SOX6: variants seen among roughly 807,000 people sequenced by gnomAD.
SOX6 encodes the protein transcription factor SOX-6.
SOX6 carries 11 observed loss-of-function variants against 97.8 expected under a neutral mutation model. That is an observed-to-expected ratio of 0.11 (90% confidence interval 0.07 to 0.19). The LOEUF is 0.19. Among genes scored for constraint, SOX6 ranks in the 10% least tolerant of loss-of-function variants. The pLI is 1.00. For synonymous variants in SOX6, 360 were observed against 371.4 expected (o/e 0.97, Z 0.35); for missense variants, 810 against 1,039.5 (o/e 0.78, Z 3.04).
chr11:16,088,245 C>T (rs2133964132), intron 9 of SOX6, among the ~76,000 whole-genome samples: 1 of 152,188 alleles, frequency 6.6e-6, no homozygotes, highest in Admixed American at 6.5e-5. Flanking sequence ...TAAACAGCCC[C>T]CACCTGAGTG....
intron 3 of SOX6, chr11:16,317,348 A>C (rs983058439): frequency 1.3e-5 from 2 of 151,760 alleles, no homozygotes; most frequent in Non-Finnish European, 2.9e-5. Flanking sequence ...ATTCATTATT[A>C]TTATTAATCC....
chr11:16,297,878 C>T (rs1855145177), intron 3 of SOX6, among the ~76,000 whole-genome samples: 1 of 152,152 alleles, frequency 6.6e-6, no homozygotes, highest in Non-Finnish European at 1.5e-5. Context: ...CAGCAGAACT[C>T]ATAAAACAGG....
intron 13 of SOX6, among the ~76,000 whole-genome samples, chr11:16,006,327 G>T (rs1854554492): frequency 6.6e-6 from 1 of 151,962 alleles, no homozygotes; most frequent in Non-Finnish European, 1.5e-5. Context: ...TATTTATTTG[G>T]TGGTAAAGTC....
chr11:16,118,077 A>T (rs1442510436), intron 6 of SOX6, among the ~76,000 whole-genome samples: 1 of 152,236 alleles, frequency 6.6e-6, no homozygotes, highest in Non-Finnish European at 1.5e-5. Context: ...GAGCAAAACT[A>T]GATGTGGCCA....
intron 6 of SOX6, among the ~76,000 whole-genome samples, chr11:16,155,316 T>C (rs1434576520): frequency 2.0e-5 from 3 of 152,140 alleles, no homozygotes; most frequent in Admixed American, 2.0e-4. Flanking sequence ...TGTATGACCT[T>C]GGACAAATTA....
intron 15 of SOX6, among the ~76,000 whole-genome samples, chr11:15,978,457 C>T (rs1638809712): frequency 1.3e-5 from 2 of 151,652 alleles, no homozygotes; most frequent in Admixed American, 1.3e-4. Flanking sequence ...CTTGCTGAAA[C>T]ATTTTATTCA....
intron 4 of SOX6, among the ~76,000 whole-genome samples, chr11:16,580,253 A>C (rs1301410931): frequency 6.6e-6 from 1 of 152,062 alleles, no homozygotes; most frequent in Non-Finnish European, 1.5e-5. Context: ...AAAATTTATA[A>C]ATTTCTAGAA....
intron 7 of SOX6, among the ~76,000 whole-genome samples, chr11:16,105,202 A>C (rs1345463174): frequency 6.6e-6 from 1 of 152,084 alleles, no homozygotes; most frequent in African/African-American, 2.4e-5. Context: ...ACCAGGGCAA[A>C]GTGGAATTTA....
In SOX6 at chr11:16,085,006, TA is replaced by T. The variant is rs1270418666; in HGVS notation, c.1101+10989del. ...AATTTCCACCCAAATTAGTCACATT[TA>T]GTCTTCTACTATTTCAACAAAGCTT... On this transcript the variant is annotated intron_variant, in intron 9 of 15. Coordinates refer to ENST00000683767, the MANE Select transcript of SOX6 (RefSeq NM_001367873.1). Among the ~76,000 whole-genome samples the T allele has an allele frequency of 2.6e-5, 4 of 152,324 alleles. No homozygotes were observed. The East Asian group carries it at 7.7e-4, about 29-fold the overall frequency.
Position 15,969,671 on chromosome 11 carries a change from C to T in SOX6, c.*3138G>A, listed in dbSNP as rs541084134. The T allele has an allele frequency of 6.6e-6, 1 of 152,038 alleles. No individual in the cohort carries two copies. Among genetic ancestry groups the T allele is most frequent in the Non-Finnish European group, 1.5e-5 (1 of 67,996 alleles). 9.4% of individuals were successfully genotyped at this position (152,038 alleles called of 1,614,324 possible). On this transcript the variant is annotated 3_prime_UTR_variant, in exon 16 of 16. Transcript: ENST00000683767. The stretch of plus-strand genomic sequence containing the variant: ...CATAACTTATATCTCACTAAGTATT[C>T]ATGAACCAAAAATAAATTCTATTTC...
intron 4 of SOX6, among the ~76,000 whole-genome samples, chr11:16,228,484 T>C (rs1369705603): frequency 2.0e-5 from 3 of 152,034 alleles, no homozygotes; most frequent in Non-Finnish European, 2.9e-5. Context: ...AAGAATATTA[T>C]GAATGGTGGT....
intron 3 of SOX6, among the ~76,000 whole-genome samples, chr11:16,636,938 T>A (rs1023140274): frequency 1.8e-4 from 28 of 152,166 alleles, no homozygotes; most frequent in African/African-American, 5.8e-4. Context: ...CCTCTTTCCT[T>A]TATAAATTGC....
chr11:16,583,638 C>CATATATATATAT (rs1329710047), intron 4 of SOX6, among the ~76,000 whole-genome samples: 10 of 104,598 alleles, frequency 9.6e-5, no homozygotes, highest in Non-Finnish European at 1.3e-4. Context: ...TATATATATA[C>CATATATATATAT]ACATACACAC....
At chr11:16,709,621 G>A (rs1245016694) in intron 3 of SOX6, among the ~76,000 whole-genome samples, 3 of 152,150 alleles carry the variant, frequency 2.0e-5, no homozygotes, top group African/African-American at 7.2e-5. Context: ...GGCCTCCCCA[G>A]AAGCCAAGCA....
chr11:16,258,313 C>G (rs1171237342), intron 3 of SOX6, among the ~76,000 whole-genome samples: 2 of 151,962 alleles, frequency 1.3e-5, no homozygotes, highest in Non-Finnish European at 2.9e-5. Flanking sequence ...ATCAAGATGT[C>G]TTTCAGCAGG....
At chr11:16,032,430 T>C (rs1181332129) in intron 12 of SOX6, among the ~76,000 whole-genome samples, 2 of 152,212 alleles carry the variant, frequency 1.3e-5, no homozygotes, top group African/African-American at 4.8e-5. Context: ...ATAAATTATG[T>C]TAATTATTTC....
chr11:16,191,467 A>G (rs1851629674), intron 4 of SOX6, among the ~76,000 whole-genome samples: 1 of 152,146 alleles, frequency 6.6e-6, no homozygotes, highest in Non-Finnish European at 1.5e-5. Context: ...AAAAACAAAG[A>G]AAAGAAAAAT....
upstream of SOX6, among the ~76,000 whole-genome samples, chr11:16,479,689 CG>C (rs1860310245): frequency 6.6e-6 from 1 of 151,994 alleles, no homozygotes; most frequent in Admixed American, 6.5e-5. Flanking sequence ...ATTGGCAAAA[CG>C]TTTTATAAAC....
rs559266622 is a variant in SOX6, at chr11:16,249,088, C to T, written c.446-14417G>A. ...TGCACTCCAGCTTCGGCAACAGAGGCTCTGTCTCAAAAAAAAAAAAGAAAA... is the reference window on the plus strand; with the variant it reads ...TGCACTCCAGCTTCGGCAACAGAGGTTCTGTCTCAAAAAAAAAAAAGAAAA... On this transcript the variant is annotated intron_variant, in intron 3 of 15. Transcript: ENST00000683767. Among the ~76,000 whole-genome samples, 5 of 128,112 alleles carry T rather than the reference C, an allele frequency of 3.9e-5. No homozygotes were observed. In the East Asian group the frequency reaches 1.1e-3, roughly 29 times the overall value. The allele number at this position is 128,112 out of a possible 152,430, so 84.0% of individuals were successfully genotyped here.
Sources: gnomAD v4.1 joint callset for allele counts (sites outside exome capture counted in the v4.1 genomes callset) on GRCh38, gnomAD v4.1.1 for gene constraint, MANE v1.5 for transcripts, NCBI Gene and HGNC (gene_info 2026-07-23, HGNC 2026-07-21) for gene names.